Variants in KCNQ3 observed in about 807,000 individuals in gnomAD.
KCNQ3 encodes the protein potassium voltage-gated channel subfamily Q member 3.
KCNQ3 carries 30 observed loss-of-function variants against 92.5 expected under a neutral mutation model. That is an observed-to-expected ratio of 0.32 (90% CI 0.24 to 0.44). KCNQ3 has a LOEUF of 0.44. Ranked by LOEUF, KCNQ3 falls within the 20% of genes least tolerant of loss-of-function variation. The probability of loss-of-function intolerance (pLI) is 1.00; values close to 1 mark genes in which losing one functional copy is unlikely to be tolerated. For missense variants in KCNQ3, 913 were observed against 1,140.3 expected (o/e 0.80, Z 2.87); for synonymous variants, 450 against 468.8 (o/e 0.96, Z 0.52).
Position 132,129,916 on chromosome 8 carries a change from C to G in KCNQ3, c.1965G>C (p.Thr655=). 6.2e-7 allele frequency: 1 copy of G among 1,614,124 alleles called. No individual in the cohort carries two copies. Among genetic ancestry groups the G allele is most frequent in the African/African-American group, 1.3e-5 (1 of 75,016 alleles). ...AGGTGCCCTTGGTTGGGTAATACTC[C>G]GTGACCTGCACCTGCAACCGTTCCA... is the stretch of plus-strand genomic sequence containing the variant. The part of the protein sequence containing the change: ...QHMERLQVQV[T]EYYPTKGTSS... The change falls in exon 15 of 15, where the codon ACG becomes ACC. Residue 655 remains threonine, a synonymous_variant. Coordinates refer to ENST00000388996, the MANE Select transcript of KCNQ3 (RefSeq NM_004519.4). This position sits in a 1 kb window ranked among gnomAD's most constrained non-coding sequence, Gnocchi z 5.9.
At chr8:132,424,296 C>G (rs1205062813) in intron 1 of KCNQ3, among the ~76,000 whole-genome samples, 1 of 152,102 alleles carries the variant, frequency 6.6e-6, no homozygotes, top group African/African-American at 2.4e-5. Flanking sequence ...TCACTGCCCT[C>G]CAGCCCCTAC....
chr8:132,468,873 C>CT (rs1330985148), intron 1 of KCNQ3, among the ~76,000 whole-genome samples: 5 of 152,210 alleles, frequency 3.3e-5, no homozygotes, highest in African/African-American at 1.2e-4. Flanking sequence ...AGTTCTCACT[C>CT]TTACTTAGTC....
chr8:132,326,010 C>A (rs1293458143), intron 1 of KCNQ3, among the ~76,000 whole-genome samples: 1 of 152,162 alleles, frequency 6.6e-6, no homozygotes, highest in African/African-American at 2.4e-5. Context: ...TTGTGGGAGG[C>A]AAGTGGCCAC....
rs888359882 is a variant in KCNQ3, at chr8:132,341,745, T to G, written c.386+138402A>C. 6.1e-4 allele frequency among the ~76,000 whole-genome samples: 93 copies of G among 152,106 alleles called. 1 individual carries two copies. The highest frequency in any genetic ancestry group is 2.0e-3 in the African/African-American group (82 of 41,404). Reference sequence around the variant, plus strand: ...CTGTGTCAGCTACCAGCTTATTATCTCTCTAATCTTAGAAACCTGTGGAAA... The same window carrying G: ...CTGTGTCAGCTACCAGCTTATTATCGCTCTAATCTTAGAAACCTGTGGAAA... On this transcript the variant is annotated intron_variant, in intron 1 of 14. Coordinates refer to ENST00000388996, the MANE Select transcript of KCNQ3 (RefSeq NM_004519.4).
At chr8:132,309,656 T>C (rs560920716) in intron 1 of KCNQ3, among the ~76,000 whole-genome samples, 19 of 152,290 alleles carry the variant, frequency 1.2e-4, no homozygotes, top group African/African-American at 4.3e-4. Flanking sequence ...CCTCACCACA[T>C]GTCAGCTAAA....
chr8:132,165,869 C>T (rs1208519837), intron 8 of KCNQ3, among the ~76,000 whole-genome samples: 1 of 152,186 alleles, frequency 6.6e-6, no homozygotes, highest in Admixed American at 6.5e-5. Context: ...GGAGTTACCC[C>T]TTCTACTTAC....
chr8:132,122,174 AC>A lies in KCNQ3; in HGVS notation c.*7087del, dbSNP rs2045565898. The A allele has an allele frequency of 6.6e-6, 1 of 152,202 alleles. No homozygotes were observed. 9.4% of individuals were successfully genotyped at this position (152,202 alleles called of 1,614,324 possible). ...GCAGCTCTACTTCTTACAATGTGTG[AC>A]CTTTGACAAGGTCTTGTCTTCAGTT... is the stretch of plus-strand genomic sequence containing the variant. On this transcript the variant is annotated 3_prime_UTR_variant, in exon 15 of 15. Coordinates refer to ENST00000388996, the MANE Select transcript of KCNQ3 (RefSeq NM_004519.4).
intron 1 of KCNQ3, among the ~76,000 whole-genome samples, chr8:132,236,096 T>C (rs1563818246): frequency 6.6e-6 from 1 of 152,228 alleles, no homozygotes; most frequent in Non-Finnish European, 1.5e-5. Context: ...CAGTCACCTA[T>C]ACCAGCATGG....
intron 9 of KCNQ3, among the ~76,000 whole-genome samples, chr8:132,146,597 C>CTT (rs11420420): frequency 0.024 from 3,517 of 145,462 alleles, 141 homozygotes; most frequent in African/African-American, 0.08. Context: ...TAGACCTGTA[C>CTT]TTTTTTTTTT....
chr8:132,380,273 C>G (rs1252310773), intron 1 of KCNQ3, among the ~76,000 whole-genome samples: 1 of 152,130 alleles, frequency 6.6e-6, no homozygotes, highest in African/African-American at 2.4e-5. Context: ...CCAGTGAAGA[C>G]CAAAGTGTAG....
chr8:132,447,900 A>C (rs1821724273), intron 1 of KCNQ3, among the ~76,000 whole-genome samples: 1 of 152,182 alleles, frequency 6.6e-6, no homozygotes, highest in Non-Finnish European at 1.5e-5. Flanking sequence ...GCTGGGCATC[A>C]CCCCCAGCGA....
intron 1 of KCNQ3, among the ~76,000 whole-genome samples, chr8:132,337,650 T>C (rs963417030): frequency 6.6e-6 from 1 of 152,078 alleles, no homozygotes; most frequent in Non-Finnish European, 1.5e-5. Context: ...TTCACAGGTA[T>C]AAAAGACTCC....
In KCNQ3 at chr8:132,136,118, C is replaced by CAAAAAAAAAA. The variant is rs67331428; in HGVS notation, c.1701-1740_1701-1731dup. On this transcript the variant is annotated intron_variant, in intron 12 of 14. Transcript: ENST00000388996. ...TGGGTGACAGAGTGAGACTCCATCT[C>CAAAAAAAAAA]AAAAAAAAAAAAAAAAAAAAAAAAA... Among the ~76,000 whole-genome samples the CAAAAAAAAAA allele has an allele frequency of 7.7e-4, 31 of 40,012 alleles. 1 individual carries two copies. Among genetic ancestry groups the CAAAAAAAAAA allele is most frequent in the East Asian group, 1.4e-3 (1 of 722 alleles). 26.2% of individuals were successfully genotyped at this position (40,012 alleles called of 152,430 possible).
chr8:132,151,254 A>G (rs1367918641), intron 9 of KCNQ3, among the ~76,000 whole-genome samples: 1 of 152,256 alleles, frequency 6.6e-6, no homozygotes, highest in Non-Finnish European at 1.5e-5. Flanking sequence ...TACATTAAAA[A>G]ATTGCTAACT....
At chr8:132,365,898 A>G (rs1819310313) in intron 1 of KCNQ3, among the ~76,000 whole-genome samples, 1 of 152,032 alleles carries the variant, frequency 6.6e-6, no homozygotes, top group Admixed American at 6.6e-5. Flanking sequence ...GGTGTGGTAG[A>G]GCATGCCTGT....
At chr8:132,417,855 A>G (rs548344549) in intron 1 of KCNQ3, among the ~76,000 whole-genome samples, 3 of 152,302 alleles carry the variant, frequency 2.0e-5, no homozygotes, top group South Asian at 2.1e-4. Flanking sequence ...CAACAACAGG[A>G]AAAAAACGTT....
chr8:132,348,912 G>T (rs117825925), intron 1 of KCNQ3, among the ~76,000 whole-genome samples: 1 of 152,190 alleles, frequency 6.6e-6, no homozygotes, highest in Non-Finnish European at 1.5e-5. Context: ...ATTCTGGGGA[G>T]GAAACAGATA....
chr8:132,387,952 G>A (rs1819933087), intron 1 of KCNQ3, among the ~76,000 whole-genome samples: 1 of 151,216 alleles, frequency 6.6e-6, no homozygotes, highest in African/African-American at 2.4e-5. Flanking sequence ...TGAAGAAGAA[G>A]GAGAAGAAGA....
intron 1 of KCNQ3, among the ~76,000 whole-genome samples, chr8:132,345,741 T>C (rs1454915574): frequency 6.6e-6 from 1 of 152,190 alleles, no homozygotes; most frequent in Non-Finnish European, 1.5e-5. Flanking sequence ...CACAGAGCTG[T>C]GCACATAATA....
Sources: allele counts gnomAD v4.1 joint callset (sites outside exome capture counted in the v4.1 genomes callset), GRCh38; gene constraint gnomAD v4.1.1; non-coding constraint Gnocchi (gnomAD v3.1); transcripts MANE v1.5; gene names NCBI Gene and HGNC (gene_info 2026-07-23, HGNC 2026-07-21).